The following SCARA3 variants were observed in gnomAD, a reference collection of about 807,000 sequenced individuals.
SCARA3 encodes scavenger receptor class A member 3, also known as cellular stress response gene protein.
Under a neutral mutation model 47.0 loss-of-function variants are expected in SCARA3, and 39 were observed. That is an observed-to-expected ratio of 0.83 (90% confidence interval 0.64 to 1.08). The LOEUF (loss-of-function observed/expected upper bound fraction) is 1.08, where lower values mean the gene tolerates loss of function less well. Ranked by LOEUF, SCARA3 falls within the 50% of genes least tolerant of loss-of-function variation. SCARA3 has a pLI of 0.00. For missense variants in SCARA3, 724 were observed against 792.3 expected, an observed-to-expected ratio of 0.91 and a Z score of 1.04; for synonymous variants, 356 against 334.1, an observed-to-expected ratio of 1.07 and a Z score of -0.71.
intron 3 of SCARA3, 80 bp from the exon 4 acceptor site, chr8:27,656,702 T>A (rs953174001): frequency 2.3e-6 from 2 of 882,314 alleles, no homozygotes; most frequent in Admixed American, 1.7e-5. Flanking sequence ...GAGGAGCTGA[T>A]AAAGATGCCT....
downstream of SCARA3, chr8:27,673,104 C>A: frequency 1.5e-6 from 1 of 647,224 alleles, no homozygotes; most frequent in Non-Finnish European, 1.9e-6. Flanking sequence ...GAAGGAGAAC[C>A]AGTGACGAGG....
At chr8:27,698,906 T>C in the SCARA3 span, among the ~76,000 whole-genome samples, 2 of 152,104 alleles carry the variant, frequency 1.3e-5, no homozygotes, top group Admixed American at 1.3e-4. Context: ...TATCTGTCTA[T>C]CTATATATAT....
At chr8:27,717,520 C>G in the SCARA3 span, among the ~76,000 whole-genome samples, 1 of 152,142 alleles carries the variant, frequency 6.6e-6, no homozygotes, top group East Asian at 1.9e-4. Context: ...CTCAGTGGCC[C>G]CCACCTGTAA....
chr8:27,686,224 T>C, the SCARA3 span, among the ~76,000 whole-genome samples: 5 of 152,140 alleles, frequency 3.3e-5, no homozygotes, highest in African/African-American at 1.2e-4. Flanking sequence ...GAGGATTCCT[T>C]GACCCCAGGA....
chr8:27,721,233 T>G, the SCARA3 span, among the ~76,000 whole-genome samples: 1 of 152,204 alleles, frequency 6.6e-6, no homozygotes, highest in Non-Finnish European at 1.5e-5. Context: ...ATGCATTAAA[T>G]AAATATACAT....
At chr8:27,682,698 A>G in the SCARA3 span, among the ~76,000 whole-genome samples, 3 of 152,350 alleles carry the variant, frequency 2.0e-5, no homozygotes, top group Non-Finnish European at 2.9e-5. Context: ...TAGAATAGTT[A>G]AAATTAAGAA....
rs778266739 is a variant in SCARA3 at position 27,659,115 on chromosome 8, G to A, written c.945G>A (p.Ser315=). Residue 315 remains serine, a synonymous_variant, in exon 5 of 6, where the codon TCG becomes TCA. Transcript: ENST00000301904. ...TGCAGCTGCAGCTGGATAACATCTC[G>A]TCCTTCCTGGATGACCACGAAGAGA... The part of the protein sequence containing the change: ...MGLQLQLDNI[S]SFLDDHEENM... 3.7e-5 allele frequency: 59 copies of A among 1,613,922 alleles called. No homozygotes were observed. The highest frequency in any genetic ancestry group is 5.5e-5 in the South Asian group (5 of 91,066).
the SCARA3 span, among the ~76,000 whole-genome samples, chr8:27,724,592 A>G: frequency 6.6e-6 from 1 of 152,284 alleles, no homozygotes; most frequent in South Asian, 2.1e-4. Flanking sequence ...CGGGAGGCAG[A>G]GGTTGCCGTG....
At chr8:27,667,541 G>A (rs1051640228) in intron 5 of SCARA3, among the ~76,000 whole-genome samples, 3 of 152,198 alleles carry the variant, frequency 2.0e-5, no homozygotes, top group Admixed American at 6.5e-5. Flanking sequence ...AGAGCCTCTC[G>A]GGTCTGGATT....
chr8:27,715,580 CTAGATAGATGATAGA>C, the SCARA3 span, among the ~76,000 whole-genome samples: 16,897 of 150,600 alleles, frequency 0.11, 1,064 homozygotes, highest in Middle Eastern at 0.16. The surrounding 1 kb of genome is among the most constrained non-coding windows in gnomAD (Gnocchi z 4.2). Flanking sequence ...CACTTCGCAC[CTAGATAGATGATAGA>C]TAGATAGATA....
the SCARA3 span, among the ~76,000 whole-genome samples, chr8:27,687,754 T>C: frequency 6.6e-6 from 1 of 150,560 alleles, no homozygotes; most frequent in Non-Finnish European, 1.5e-5. Context: ...CGGTGGCCAA[T>C]GCCTGTAATC....
chr8:27,694,276 G>T, the SCARA3 span, among the ~76,000 whole-genome samples: 1 of 152,070 alleles, frequency 6.6e-6, no homozygotes, highest in Admixed American at 6.6e-5. Context: ...TTTATGCCTG[G>T]ACTCAGAGTC....
chr8:27,655,169 G>A (rs1033408622), intron 3 of SCARA3, among the ~76,000 whole-genome samples: 2 of 152,198 alleles, frequency 1.3e-5, no homozygotes, highest in African/African-American at 4.8e-5. Flanking sequence ...GTGCTGATGA[G>A]AGCCTTAGAG....
At chr8:27,660,830 A>ATAGCTAGC (rs141475748) in intron 5 of SCARA3, among the ~76,000 whole-genome samples, 1,423 of 131,200 alleles carry the variant, frequency 0.011, 28 homozygotes, top group African/African-American at 0.036. Flanking sequence ...TAGATAGAAG[A>ATAGCTAGC]TAGCTAGCTA....
chr8:27,662,889 C>CT (rs939913614), intron 5 of SCARA3, among the ~76,000 whole-genome samples: 7 of 152,232 alleles, frequency 4.6e-5, no homozygotes. Flanking sequence ...TGACTAGTAT[C>CT]TACAGAACAG....
At chr8:27,696,532 C>T in the SCARA3 span, among the ~76,000 whole-genome samples, 1 of 152,034 alleles carries the variant, frequency 6.6e-6, no homozygotes, top group Non-Finnish European at 1.5e-5. Flanking sequence ...TCACTGCAGC[C>T]TCAAACTTCT....
chr8:27,668,509 CGCA>C (rs1802069709), intron 5 of SCARA3, among the ~76,000 whole-genome samples: 1 of 143,960 alleles, frequency 6.9e-6, no homozygotes, highest in African/African-American at 2.5e-5. Flanking sequence ...CACTGCAGTC[CGCA>C]GTCCGGCCTG....
downstream of SCARA3, among the ~76,000 whole-genome samples, chr8:27,678,293 G>A (rs759135131): frequency 3.3e-5 from 5 of 152,198 alleles, no homozygotes; most frequent in South Asian, 8.3e-4. Context: ...TCTTTAGTCA[G>A]ACTAATCAGA....
the SCARA3 span, among the ~76,000 whole-genome samples, chr8:27,726,636 G>T: frequency 3.1e-4 from 47 of 151,956 alleles, no homozygotes; most frequent in Admixed American, 2.9e-3. Flanking sequence ...GAAGGTGGAG[G>T]TTGCAGTGAG....
Sources: allele counts gnomAD v4.1 joint callset (sites outside exome capture counted in the v4.1 genomes callset), GRCh38; gene constraint gnomAD v4.1.1; non-coding constraint Gnocchi (gnomAD v3.1); transcripts MANE v1.5; gene names NCBI Gene and HGNC (gene_info 2026-07-23, HGNC 2026-07-21).